The following DAPK2 variants were observed in gnomAD, a reference collection of about 807,000 sequenced individuals.
The protein encoded by DAPK2 is death-associated protein kinase 2.
A neutral mutation model predicts 44.1 loss-of-function variants in DAPK2; 35 were observed. The observed-to-expected ratio is 0.79, with a 90% confidence interval of 0.61 to 1.05. The LOEUF (loss-of-function observed/expected upper bound fraction) is 1.05. Among genes scored for constraint, DAPK2 ranks in the 50% least tolerant of loss-of-function variants. DAPK2 has a pLI of 0.00. For synonymous variants in DAPK2, 174 were observed against 182.6 expected (o/e 0.95, Z 0.38); for missense variants, 453 against 483.2 (o/e 0.94, Z 0.59).
chr15:64,015,501 G>A lies in DAPK2; in HGVS notation c.92+24669C>T, dbSNP rs74780596. Among the ~76,000 whole-genome samples, 932 of 152,296 alleles carry A rather than the reference G, an allele frequency of 6.1e-3. 4 individuals are homozygous for A. The highest frequency in any genetic ancestry group is 0.011 in the Non-Finnish European group (725 of 68,026). On this transcript the variant is annotated intron_variant, in intron 1 of 10. Transcript: ENST00000261891. The stretch of plus-strand genomic sequence containing the variant: ...TGCAACTCCAAGAAGAAACAGGGGT[G>A]GGCAGTCATAGTGGGTTGAATAGTG...
Position 63,939,707 on chromosome 15 carries a change from T to C in DAPK2, c.454-346A>G, listed in dbSNP as rs991987579. 7.9e-5 allele frequency among the ~76,000 whole-genome samples: 12 copies of C among 152,206 alleles called. No homozygotes were observed. The highest frequency in any genetic ancestry group is 2.7e-4 in the African/African-American group (11 of 41,444). On this transcript the variant is annotated intron_variant, in intron 3 of 10. Transcript: ENST00000261891. The surrounding 1 kb of genome is among the most constrained non-coding windows in gnomAD (Gnocchi z 4.3). ...TATCTGTCAAATGGGGCCAATGAGA[T>C]ACTTGCAGCATTTCCTGTAAACAAA...
intron 3 of DAPK2, among the ~76,000 whole-genome samples, chr15:63,964,704 T>C (rs2078005784): frequency 6.6e-6 from 1 of 152,072 alleles, no homozygotes; most frequent in African/African-American, 2.4e-5. Flanking sequence ...TTCTTTCTTC[T>C]GCTTGATCAA....
intron 1 of DAPK2, among the ~76,000 whole-genome samples, chr15:64,016,432 G>T (rs2079528431): frequency 6.6e-6 from 1 of 152,236 alleles, no homozygotes; most frequent in African/African-American, 2.4e-5. Flanking sequence ...TGCCCTCAGT[G>T]AGCCTCAGTG....
chr15:63,975,096 T>C (rs1409145106), intron 2 of DAPK2, among the ~76,000 whole-genome samples: 2 of 152,166 alleles, frequency 1.3e-5, no homozygotes, highest in Non-Finnish European at 2.9e-5. Context: ...TAGAATTTAA[T>C]TTTTGGTTTA....
At chr15:63,983,423 T>C in intron 2 of DAPK2, 110 bp downstream of exon 3, 1 of 953,896 alleles carries the variant, frequency 1.0e-6, no homozygotes. Flanking sequence ...TCCTCTGGGC[T>C]GAGCTTAGGC....
At chr15:63,962,697 A>G (rs534184998) in intron 3 of DAPK2, among the ~76,000 whole-genome samples, 1 of 152,238 alleles carries the variant, frequency 6.6e-6, no homozygotes, top group Non-Finnish European at 1.5e-5. Context: ...TTGCTGCCTG[A>G]TCCCTCTTCT....
At chr15:64,011,841 A>T (rs2141024732) in intron 1 of DAPK2, among the ~76,000 whole-genome samples, 1 of 152,326 alleles carries the variant, frequency 6.6e-6, no homozygotes, top group East Asian at 1.9e-4. Flanking sequence ...GTGAAAAAAT[A>T]AAACTGCTCC....
rs765427629 is a variant in DAPK2, at chr15:64,020,765, G to A, written c.92+19405C>T. Among the ~76,000 whole-genome samples the A allele has an allele frequency of 5.7e-4, 86 of 152,184 alleles. 1 individual carries two copies. Among genetic ancestry groups the A allele is most frequent in the Admixed American group, 2.8e-3 (43 of 15,280 alleles). On this transcript the variant is annotated intron_variant, in intron 1 of 10. Transcript: ENST00000261891. The surrounding 1 kb of genome is among the most constrained non-coding windows in gnomAD (Gnocchi z 4.5). Reference sequence around the variant, plus strand: ...GTTCCCAAAAGCACCTCAGGTACTAGAAGGAATAAATCAAAAGGGAAAGGA... The same window carrying A: ...GTTCCCAAAAGCACCTCAGGTACTAAAAGGAATAAATCAAAAGGGAAAGGA...
At chr15:63,962,414 G>A (rs2077931055) in intron 3 of DAPK2, among the ~76,000 whole-genome samples, 1 of 152,228 alleles carries the variant, frequency 6.6e-6, no homozygotes, top group Non-Finnish European at 1.5e-5. Context: ...TCCTTTGGAG[G>A]AGAAGAGGCC....
chr15:64,031,491 C>CTTTCTTGT (rs2080015155), intron 1 of DAPK2, among the ~76,000 whole-genome samples: 1 of 152,170 alleles, frequency 6.6e-6, no homozygotes, highest in African/African-American at 2.4e-5. Context: ...CCTCGTCCTC[C>CTTTCTTGT]CAAAGTGTTG....
At chr15:63,953,709 A>T (rs2077650151) in intron 3 of DAPK2, among the ~76,000 whole-genome samples, 1 of 152,170 alleles carries the variant, frequency 6.6e-6, no homozygotes, top group African/African-American at 2.4e-5. Flanking sequence ...TGTTCTCCAT[A>T]GTGGTTGTAT....
Position 63,908,544 on chromosome 15 carries a change from T to C in DAPK2, c.1089A>G (p.Pro363=). ...GTTAGGAGGTGCTGCTCCTCCTCCG[T>C]GGGTGGAGGGCTTTCCTCCTGGCGA... The change falls in exon 11 of 11, where the codon CCA becomes CCG. Residue 363 remains proline, a synonymous_variant. Transcript: ENST00000261891. This position sits in a 1 kb window ranked among gnomAD's most constrained non-coding sequence, Gnocchi z 5.7. 6.3e-7 allele frequency: 1 copy of C among 1,599,906 alleles called. No individual in the cohort carries two copies. Among genetic ancestry groups the C allele is most frequent in the Non-Finnish European group, 8.5e-7 (1 of 1,174,372 alleles).
upstream of DAPK2, among the ~76,000 whole-genome samples, chr15:64,040,687 G>T (rs1305738528): frequency 2.0e-5 from 3 of 152,042 alleles, no homozygotes; most frequent in African/African-American, 7.2e-5. Context: ...GAGGTGGGTG[G>T]ATTACTTGAG....
At chr15:63,936,891 G>A (rs1453322193) in intron 4 of DAPK2, among the ~76,000 whole-genome samples, 1 of 149,556 alleles carries the variant, frequency 6.7e-6, no homozygotes, top group Non-Finnish European at 1.5e-5. Context: ...GAGGTGGGAG[G>A]ATTACTTGAG....
At chr15:64,039,398 G>C (rs1236700867) in intron 1 of DAPK2, among the ~76,000 whole-genome samples, 1 of 152,196 alleles carries the variant, frequency 6.6e-6, no homozygotes, top group African/African-American at 2.4e-5. Flanking sequence ...CACTGGCTCA[G>C]CAACTTTGGG....
chr15:63,969,173 C>T (rs1470228662), intron 3 of DAPK2, among the ~76,000 whole-genome samples: 1 of 152,064 alleles, frequency 6.6e-6, no homozygotes. Context: ...AGTCCCAACA[C>T]TTTGGGAGGC....
Position 63,966,999 on chromosome 15 carries a change from G to A in DAPK2, c.453+4424C>T, listed in dbSNP as rs2078072001. 1.3e-5 allele frequency among the ~76,000 whole-genome samples: 2 copies of A among 151,984 alleles called. No homozygotes were observed. Among genetic ancestry groups the A allele is most frequent in the Non-Finnish European group, 2.9e-5 (2 of 67,996 alleles). Reference sequence around the variant, plus strand: ...TGGAGACCATCCTGGCTAACATGGTGAAACCCCGTCTCTACTAAAAATACA... The same window carrying A: ...TGGAGACCATCCTGGCTAACATGGTAAAACCCCGTCTCTACTAAAAATACA... On this transcript the variant is annotated intron_variant, in intron 3 of 10. Transcript: ENST00000261891. The surrounding 1 kb of genome is among the most constrained non-coding windows in gnomAD (Gnocchi z 5.5).
intron 1 of DAPK2, among the ~76,000 whole-genome samples, chr15:64,002,879 G>A (rs2079117861): frequency 1.3e-5 from 2 of 150,192 alleles, no homozygotes; most frequent in South Asian, 2.1e-4. Flanking sequence ...AGCAGCAGAG[G>A]GAGGAGGAGA....
At chr15:63,989,984 G>A (rs145277519) in intron 1 of DAPK2, among the ~76,000 whole-genome samples, 3 of 152,250 alleles carry the variant, frequency 2.0e-5, no homozygotes, top group East Asian at 3.9e-4. Flanking sequence ...GAGCCACTGC[G>A]TCAGGCCTAT....
Sources: gnomAD v4.1 joint callset for allele counts (sites outside exome capture counted in the v4.1 genomes callset) on GRCh38, gnomAD v4.1.1 for gene constraint, Gnocchi (gnomAD v3.1) non-coding constraint, MANE v1.5 for transcripts, NCBI Gene and HGNC (gene_info 2026-07-23, HGNC 2026-07-21) for gene names.